NBEA: variants seen among roughly 807,000 people sequenced by gnomAD.
The protein encoded by NBEA is neurobeachin.
NBEA carries 44 observed loss-of-function variants against 343.4 expected under a neutral mutation model. That is an observed-to-expected ratio of 0.13 (90% CI 0.10 to 0.16). NBEA has a LOEUF of 0.16. Ranked by LOEUF, NBEA falls within the 10% of genes least tolerant of loss-of-function variation. NBEA has a pLI of 1.00. For synonymous variants in NBEA, 1,175 were observed against 1,238.7 expected (o/e 0.95, Z 1.08); for missense variants, 2,555 against 3,631.3 (o/e 0.70, Z 7.62).
chr13:35,070,130 C>T (rs1488921126), intron 9 of NBEA, 25 bp downstream of exon 9: 1 of 1,467,302 alleles, frequency 6.8e-7, no homozygotes, highest in Non-Finnish European at 9.1e-7. Flanking sequence ...GCTTTGTTTT[C>T]ATGTTCTTGT....
At chr13:35,376,889 A>G (rs2041771202) in intron 38 of NBEA, among the ~76,000 whole-genome samples, 1 of 152,180 alleles carries the variant, frequency 6.6e-6, no homozygotes, top group Admixed American at 6.6e-5. Flanking sequence ...CCCACTGAGC[A>G]GACTGGTGAA....
intron 36 of NBEA, among the ~76,000 whole-genome samples, chr13:35,320,863 T>A (rs1226446733): frequency 6.6e-6 from 1 of 151,976 alleles, no homozygotes; most frequent in Non-Finnish European, 1.5e-5. Flanking sequence ...ATCTCTCATA[T>A]CCTTCTGCTT....
At chr13:35,435,091 C>G (rs943061782) in intron 39 of NBEA, among the ~76,000 whole-genome samples, 1 of 152,058 alleles carries the variant, frequency 6.6e-6, no homozygotes, top group Non-Finnish European at 1.5e-5. Flanking sequence ...TGCAATGGCG[C>G]GATCTCAGCT....
chr13:35,652,693 T>C (rs1377361934), intron 53 of NBEA, among the ~76,000 whole-genome samples: 148 of 110,788 alleles, frequency 1.3e-3, no homozygotes, highest in Non-Finnish European at 2.3e-3. Flanking sequence ...GCAGTCTTTT[T>C]TTTTTTTTTT....
At chr13:35,328,684 G>A (rs956873102) in intron 36 of NBEA, among the ~76,000 whole-genome samples, 1 of 151,430 alleles carries the variant, frequency 6.6e-6, no homozygotes, top group Non-Finnish European at 1.5e-5. Context: ...GAGACACGGT[G>A]TTCATGGATC....
chr13:35,332,345 A>G (rs1275999864), intron 36 of NBEA, among the ~76,000 whole-genome samples: 1 of 152,034 alleles, frequency 6.6e-6, no homozygotes, highest in Non-Finnish European at 1.5e-5. Flanking sequence ...GGCATATATA[A>G]AGGCCCTGAA....
chr13:35,110,867 T>C lies in NBEA; in HGVS notation c.1891T>C (p.Tyr631His). 1.2e-6 allele frequency: 2 copies of C among 1,612,488 alleles called. No individual in the cohort carries two copies. The highest frequency in any genetic ancestry group is 1.7e-6 in the Non-Finnish European group (2 of 1,178,748). ...SAEFIGTATI[Y>H]TTIRRVGTVL... is the part of the protein sequence containing the mutation. The stretch of plus-strand genomic sequence containing the variant: ...TGAATTTATTGGAACTGCTACCATC[T>C]ACACCACCATACGCAGAGTAGGAAC... Residue 631 changes from tyrosine (Y) to histidine (H), a missense_variant, in exon 13 of 59, where the codon TAC becomes CAC. This residue lies in a region of NBEA where 360 missense variants were observed against 519.1 expected (regional missense o/e 0.69). Coordinates refer to ENST00000379939, the MANE Select transcript of NBEA (RefSeq NM_001385012.1).
chr13:35,566,872 G>A (rs9544667), intron 44 of NBEA, 33 bp from the exon 45 acceptor site: 1,126,155 of 1,186,852 alleles, frequency 0.95, 535,380 homozygotes, highest in East Asian at 1. Context: ...CATTTTGTGT[G>A]TACAAATTTT....
intron 38 of NBEA, among the ~76,000 whole-genome samples, chr13:35,372,187 G>T (rs929147079): frequency 1.3e-5 from 2 of 152,116 alleles, no homozygotes; most frequent in African/African-American, 4.8e-5. Context: ...AGTGGGCGTG[G>T]TATGAGTGAT....
intron 35 of NBEA, among the ~76,000 whole-genome samples, chr13:35,297,166 AT>A (rs1485242388): frequency 6.6e-6 from 1 of 152,018 alleles, no homozygotes; most frequent in Non-Finnish European, 1.5e-5. Context: ...ATACAATTTT[AT>A]TCCAAGTATT....
intron 38 of NBEA, among the ~76,000 whole-genome samples, chr13:35,431,682 A>G (rs571650836): frequency 2.0e-5 from 3 of 152,324 alleles, no homozygotes; most frequent in African/African-American, 7.2e-5. Context: ...GCTCTAATTC[A>G]GTATTATTAA....
intron 41 of NBEA, among the ~76,000 whole-genome samples, chr13:35,507,881 A>G (rs2077130681): frequency 6.6e-6 from 1 of 152,154 alleles, no homozygotes; most frequent in South Asian, 2.1e-4. Flanking sequence ...TAGGATTGTA[A>G]GGATCATTTT....
chr13:35,511,194 A>G lies in NBEA; in HGVS notation c.6585+38658A>G, dbSNP rs1234184804. On this transcript the variant is annotated intron_variant, in intron 41 of 58. Coordinates refer to ENST00000379939, the MANE Select transcript of NBEA (RefSeq NM_001385012.1). ...TGAAAATCATTGTTAGTTTTGAGAT[A>G]TATTTATTCACATAGTCAGCCTGCA... is the stretch of plus-strand genomic sequence containing the variant. Among the ~76,000 whole-genome samples, 3 of 152,176 alleles carry G rather than the reference A, an allele frequency of 2.0e-5. No homozygotes were observed. The East Asian group carries it at 5.8e-4, about 29-fold the overall frequency.
chr13:35,195,857 A>G lies in NBEA; in HGVS notation c.4928-7A>G, dbSNP rs375523020. On this transcript the variant is annotated splice_region_variant and splice_polypyrimidine_tract_variant and intron_variant, in intron 30 of 58. Transcript: ENST00000379939. ...GCTTTTTTCTAACCTAGTTTCTTTCATTACAGAAACACCTGCTGCATTTCC... is the reference window on the plus strand; with the variant it reads ...GCTTTTTTCTAACCTAGTTTCTTTCGTTACAGAAACACCTGCTGCATTTCC... 126 of 1,562,810 alleles carry G rather than the reference A, an allele frequency of 8.1e-5. No homozygotes were observed. The African/African-American group carries it at 1.6e-3, about 20-fold the overall frequency.
intron 1 of NBEA, among the ~76,000 whole-genome samples, chr13:34,967,790 C>T (rs2152496453): frequency 6.6e-6 from 1 of 152,114 alleles, no homozygotes; most frequent in Admixed American, 6.6e-5. Context: ...TTTTCAACAC[C>T]AATTCTCTGG....
intron 33 of NBEA, among the ~76,000 whole-genome samples, chr13:35,230,062 C>T (rs1316941759): frequency 1.3e-5 from 2 of 151,998 alleles, no homozygotes; most frequent in East Asian, 3.9e-4. Flanking sequence ...ATTCTCATTG[C>T]AGGATGATAC....
intron 13 of NBEA, among the ~76,000 whole-genome samples, chr13:35,113,662 C>T (rs1208407295): frequency 6.6e-6 from 1 of 151,658 alleles, no homozygotes; most frequent in African/African-American, 2.4e-5. Flanking sequence ...TCAGTATGGA[C>T]TCATGTATTC....
chr13:35,533,044 C>G (rs145414213), intron 41 of NBEA, among the ~76,000 whole-genome samples: 1 of 152,120 alleles, frequency 6.6e-6, no homozygotes, highest in African/African-American at 2.4e-5. Context: ...AGGGTATATA[C>G]AAATACAATT....
chr13:35,109,849 T>C (rs2066099346), intron 12 of NBEA, among the ~76,000 whole-genome samples: 1 of 151,884 alleles, frequency 6.6e-6, no homozygotes, highest in Non-Finnish European at 1.5e-5. Context: ...AAAATAAATA[T>C]ATACATGAAT....
Sources: allele counts gnomAD v4.1 joint callset (sites outside exome capture counted in the v4.1 genomes callset), GRCh38; gene constraint gnomAD v4.1.1; regional missense constraint gnomAD v4.1.1; transcripts MANE v1.5; gene names NCBI Gene and HGNC (gene_info 2026-07-23, HGNC 2026-07-21).